The following CD244 variants were observed in gnomAD, a reference collection of about 807,000 sequenced individuals.
CD244 encodes CD244 molecule.
Under a neutral mutation model 45.5 loss-of-function variants are expected in CD244, and 20 were observed. That is an observed-to-expected ratio of 0.44 (90% confidence interval 0.31 to 0.64). The LOEUF is 0.64. Ranked by LOEUF, CD244 falls within the 30% of genes least tolerant of loss-of-function variation. The probability of loss-of-function intolerance (pLI) is 0.08; values close to 1 mark genes in which losing one functional copy is unlikely to be tolerated. For missense variants in CD244, 407 were observed against 426.9 expected (o/e 0.95, Z 0.41); for synonymous variants, 185 against 160.5 (o/e 1.15, Z -1.15).
intron 5 of CD244, among the ~76,000 whole-genome samples, chr1:160,836,781 T>C (rs1476683473): frequency 1.3e-5 from 2 of 152,158 alleles, no homozygotes; most frequent in Non-Finnish European, 2.9e-5. Flanking sequence ...TTCTTGTTCC[T>C]ACCCCTTAGG....
At chr1:160,836,422 G>T (rs924046541) in intron 5 of CD244, among the ~76,000 whole-genome samples, 168 bp from the exon 6 acceptor site, 3 of 152,104 alleles carry the variant, frequency 2.0e-5, no homozygotes, top group African/African-American at 4.8e-5. Flanking sequence ...GAGACAGGAA[G>T]AAGAGCAGTT....
chr1:160,847,497 A>G (rs1057177915), intron 1 of CD244, among the ~76,000 whole-genome samples: 2 of 152,198 alleles, frequency 1.3e-5, no homozygotes, highest in African/African-American at 4.8e-5. Flanking sequence ...AATCATACCA[A>G]TTATGCCCTC....
chr1:160,838,427 A>G lies in CD244; in HGVS notation c.834+24T>C, dbSNP rs893919445. 3 of 1,576,032 alleles carry G rather than the reference A, an allele frequency of 1.9e-6. No homozygotes were observed. The African/African-American group carries it at 4.1e-5, about 21-fold the overall frequency. On this transcript the variant is annotated intron_variant, in intron 5 of 8. Transcript: ENST00000368034. ...GCATTTTCCAAGCCAGCTGAGAGAG[A>G]CCCCAGCCTCCGGGATGACATACGT...
intron 5 of CD244, among the ~76,000 whole-genome samples, chr1:160,836,932 G>C (rs1338675642): frequency 6.6e-6 from 1 of 152,238 alleles, no homozygotes; most frequent in Non-Finnish European, 1.5e-5. Context: ...GAAGCTAAGA[G>C]AAGCAGAGAA....
chr1:160,844,257 T>A (rs886746814), intron 1 of CD244, among the ~76,000 whole-genome samples: 1 of 152,136 alleles, frequency 6.6e-6, no homozygotes, highest in African/African-American at 2.4e-5. Context: ...AACAGAAGAA[T>A]AGAGACAACA....
At chr1:160,846,882 G>C (rs1571106968) in intron 1 of CD244, among the ~76,000 whole-genome samples, 1 of 152,108 alleles carries the variant, frequency 6.6e-6, no homozygotes, top group Non-Finnish European at 1.5e-5. Context: ...AGCTGTATAG[G>C]AGTTTTCTAT....
At chr1:160,848,336 TC>T (rs1236027764) in intron 1 of CD244, 1 of 592,744 alleles carries the variant, frequency 1.7e-6, no homozygotes, top group South Asian at 1.4e-5. Flanking sequence ...CACAAATAGT[TC>T]CCAGTTTTTC....
intron 7 of CD244, 44 bp downstream of exon 7, chr1:160,834,007 T>C: frequency 7.2e-7 from 1 of 1,391,932 alleles, no homozygotes; most frequent in East Asian, 2.3e-5. Flanking sequence ...AAAATACACA[T>C]CTACATCAAC....
At chr1:160,844,565 A>C (rs1253472101) in intron 1 of CD244, among the ~76,000 whole-genome samples, 1 of 152,204 alleles carries the variant, frequency 6.6e-6, no homozygotes, top group Non-Finnish European at 1.5e-5. Context: ...GCACATTTCT[A>C]CTTGTTCTCT....
At chr1:160,832,870 G>GTGTGTATA (rs1336342075) in intron 7 of CD244, among the ~76,000 whole-genome samples, 1 of 117,852 alleles carries the variant, frequency 8.5e-6, no homozygotes, top group Non-Finnish European at 2.0e-5. Flanking sequence ...GTGTGTGTGT[G>GTGTGTATA]TATATATATA....
intron 1 of CD244, among the ~76,000 whole-genome samples, chr1:160,846,162 T>C (rs1055247162): frequency 6.6e-6 from 1 of 152,174 alleles, no homozygotes; most frequent in Non-Finnish European, 1.5e-5. Context: ...ACCCGAGCAG[T>C]ATACACTGCA....
chr1:160,835,564 A>G (rs1427067689), intron 6 of CD244, among the ~76,000 whole-genome samples: 1 of 152,154 alleles, frequency 6.6e-6, no homozygotes, highest in Non-Finnish European at 1.5e-5. Flanking sequence ...GTAAGCTATG[A>G]TTCTACCATT....
chr1:160,839,001 A>C lies in CD244; in HGVS notation c.704T>G (p.Leu235Arg), dbSNP rs1669435547. Residue 235 changes from leucine (L) to arginine (R), a missense_variant, in exon 4 of 9, where the codon CTG becomes CGG. Transcript: ENST00000368034. ...GAAGCAGGCAAGGGTGCCAAGGAAC[A>C]GTGCGCTTAGAATCACGATGATCAC... The part of the protein sequence containing the change: ...FLVIIVILSA[L>R]FLGTLACFCV... The C allele has an allele frequency of 6.2e-7, 1 of 1,613,996 alleles. No homozygotes were observed. Among genetic ancestry groups the C allele is most frequent in the African/African-American group, 1.3e-5 (1 of 74,924 alleles).
At chr1:160,848,801 G>C (rs540584725) in intron 1 of CD244, among the ~76,000 whole-genome samples, 3 of 152,182 alleles carry the variant, frequency 2.0e-5, no homozygotes, top group Non-Finnish European at 2.9e-5. Flanking sequence ...TGGAAGCTTC[G>C]TGTCCCTTCC....
intron 1 of CD244, among the ~76,000 whole-genome samples, chr1:160,856,173 T>C (rs971563723): frequency 6.6e-6 from 1 of 152,134 alleles, no homozygotes; most frequent in Non-Finnish European, 1.5e-5. Flanking sequence ...ACTGGGGCAA[T>C]CCAGCTCTAG....
chr1:160,855,448 G>A (rs1353344241), intron 1 of CD244, among the ~76,000 whole-genome samples: 1 of 152,154 alleles, frequency 6.6e-6, no homozygotes. Flanking sequence ...CCAGGGCAGG[G>A]GTGCAAAGCA....
Position 160,845,519 on chromosome 1 carries a change from A to T in CD244, c.62-3618T>A, listed in dbSNP as rs148731489. ...TTCCCAAAACTGACAAAAGCCATCA[A>T]GATAGATTTGTAAAATGTGTTACAA... On this transcript the variant is annotated intron_variant, in intron 1 of 8. Transcript: ENST00000368034. Among the ~76,000 whole-genome samples, 75 of 152,354 alleles carry T rather than the reference A, an allele frequency of 4.9e-4. No individual in the cohort carries two copies. In the East Asian group the frequency reaches 0.013, roughly 27 times the overall value.
chr1:160,833,671 G>C (rs139394733), intron 7 of CD244, among the ~76,000 whole-genome samples: 11 of 152,262 alleles, frequency 7.2e-5, no homozygotes, highest in African/African-American at 2.4e-4. Context: ...CCAGCTCCAG[G>C]CAATATGCCC....
rs758694341 is a variant in CD244 at position 160,836,241 on chromosome 1, G to C, written c.848C>G (p.Thr283Ser). Reference protein sequence around the residue: ...KTRRNHEQEQTFPGGGSTIYS... With the variant: ...KTRRNHEQEQSFPGGGSTIYS... ...GATGGTGCTCCCCCCTCCAGGAAAA[G>C]TCTGCTCCTGCTCCTGCACAAGAAA... The change falls in exon 6 of 9, where the codon ACT becomes AGT. Residue 283 changes from threonine to serine, a missense_variant. Physicochemically the swap from Thr to Ser is moderately conservative, Grantham distance 58. Coordinates refer to ENST00000368034, the MANE Select transcript of CD244 (RefSeq NM_016382.4). 2.6e-5 allele frequency: 42 copies of C among 1,613,538 alleles called. 2 individuals are homozygous for C. In the South Asian group the frequency reaches 4.3e-4, roughly 16 times the overall value.
Sources: allele counts gnomAD v4.1 joint callset (sites outside exome capture counted in the v4.1 genomes callset), GRCh38; gene constraint gnomAD v4.1.1; transcripts MANE v1.5; gene names NCBI Gene and HGNC (gene_info 2026-07-23, HGNC 2026-07-21).